The following UTS2 variants were observed in gnomAD, a reference collection of about 807,000 sequenced individuals.
UTS2 encodes the protein urotensin 2, also known as urotensin-2.
Under a neutral mutation model 12.6 loss-of-function variants are expected in UTS2, and 10 were observed. The observed-to-expected ratio is 0.80, with a 90% confidence interval of 0.49 to 1.35. UTS2 has a LOEUF of 1.35. UTS2 is among the 40% of genes most tolerant of loss of function. The probability of loss-of-function intolerance (pLI) is 0.00; values close to 1 mark genes in which losing one functional copy is unlikely to be tolerated. For synonymous variants in UTS2, 52 were observed against 50.0 expected, an observed-to-expected ratio of 1.04 and a Z score of -0.17; for missense variants, 142 against 143.2, an observed-to-expected ratio of 0.99 and a Z score of 0.04.
the UTS2 span, among the ~76,000 whole-genome samples, chr1:7,901,660 C>A: frequency 6.6e-5 from 10 of 151,074 alleles, no homozygotes; most frequent in Non-Finnish European, 1.3e-4. Flanking sequence ...TCATTTAATC[C>A]TCACAAAAAG....
chr1:7,892,836 C>T, the UTS2 span, among the ~76,000 whole-genome samples: 1,385 of 152,186 alleles, frequency 9.1e-3, 21 homozygotes, highest in African/African-American at 0.032. Flanking sequence ...ACCAGGCCCA[C>T]CCAGATAATC....
upstream of UTS2, among the ~76,000 whole-genome samples, chr1:7,856,304 A>T (rs1294045022): frequency 2.0e-5 from 3 of 152,236 alleles, no homozygotes; most frequent in Non-Finnish European, 4.4e-5. Flanking sequence ...AGACAACAAC[A>T]TTAACATACG....
At chr1:7,893,716 C>T in the UTS2 span, among the ~76,000 whole-genome samples, 2 of 152,136 alleles carry the variant, frequency 1.3e-5, no homozygotes, top group Non-Finnish European at 2.9e-5. Flanking sequence ...AGGGCACAGT[C>T]GCAGGGCTGG....
At chr1:7,851,488 G>T (rs975175050) in intron 1 of UTS2, among the ~76,000 whole-genome samples, 3 of 152,166 alleles carry the variant, frequency 2.0e-5, no homozygotes, top group Non-Finnish European at 4.4e-5. Flanking sequence ...TCGACCAGAT[G>T]GCATATAGAA....
the UTS2 span, among the ~76,000 whole-genome samples, chr1:7,864,001 G>A: frequency 7.9e-5 from 12 of 152,228 alleles, no homozygotes; most frequent in African/African-American, 2.9e-4. Context: ...AGGCATCTCA[G>A]GGCAGCAGGA....
At chr1:7,863,112 T>C in the UTS2 span, among the ~76,000 whole-genome samples, 1,625 of 134,190 alleles carry the variant, frequency 0.012, 75 homozygotes, top group African/African-American at 0.048. Flanking sequence ...TGTATTGTAT[T>C]GTATTGTATT....
the UTS2 span, among the ~76,000 whole-genome samples, chr1:7,902,199 C>CGCT: frequency 2.6e-5 from 4 of 152,196 alleles, 1 homozygote; most frequent in South Asian, 4.2e-4. Flanking sequence ...TATCTCTGCC[C>CGCT]CCGGGTGAGG....
chr1:7,872,299 C>CAAAAAAA, the UTS2 span, among the ~76,000 whole-genome samples: 287 of 65,878 alleles, frequency 4.4e-3, 15 homozygotes, highest in African/African-American at 0.016. Flanking sequence ...GACTCTGTCT[C>CAAAAAAA]AAAAAAAAAA....
the UTS2 span, among the ~76,000 whole-genome samples, chr1:7,876,498 T>A: frequency 6.6e-6 from 1 of 152,082 alleles, no homozygotes; most frequent in Non-Finnish European, 1.5e-5. Flanking sequence ...TATGCAACCA[T>A]GAGACCCACT....
the UTS2 span, among the ~76,000 whole-genome samples, chr1:7,885,602 C>G: frequency 1.3e-5 from 2 of 151,786 alleles, no homozygotes; most frequent in African/African-American, 4.8e-5. Context: ...GGGAGGGGAG[C>G]GAGGTGAGGA....
the UTS2 span, among the ~76,000 whole-genome samples, chr1:7,882,685 A>AACAAAG: frequency 6.6e-6 from 1 of 152,380 alleles, no homozygotes; most frequent in East Asian, 1.9e-4. Context: ...ACTAATATCC[A>AACAAAG]GACTATACAT....
chr1:7,847,803 C>A lies in UTS2; in HGVS notation c.338G>T (p.Arg113Leu). The A allele has an allele frequency of 6.2e-7, 1 of 1,613,924 alleles. No individual in the cohort carries two copies. The change falls in exon 4 of 4, where the codon CGT becomes CTT. Residue 113 changes from arginine (R) to leucine (L), a missense_variant. Coordinates refer to ENST00000361696, the MANE Select transcript of UTS2 (RefSeq NM_006786.4). ...LARIWKPYKK[R>L]ETPDCFWKYC... ...TTTCCAGAAGCAATCAGGAGTCTCA[C>A]GTTTCTTGTATGGTTTCCAGATTCT...
At chr1:7,895,380 AT>A in the UTS2 span, among the ~76,000 whole-genome samples, 1 of 152,036 alleles carries the variant, frequency 6.6e-6, no homozygotes, top group African/African-American at 2.4e-5. Flanking sequence ...AAAAAAATAA[AT>A]AAATAAATAA....
chr1:7,906,447 AAG>A, the UTS2 span, among the ~76,000 whole-genome samples: 2 of 33,762 alleles, frequency 5.9e-5, no homozygotes, highest in African/African-American at 8.4e-5. Flanking sequence ...AAGAAAGAAA[AAG>A]AGAAAGAAAG....
chr1:7,895,948 G>A, the UTS2 span, among the ~76,000 whole-genome samples: 1 of 152,174 alleles, frequency 6.6e-6, no homozygotes, highest in East Asian at 1.9e-4. Context: ...TGCTGGATAT[G>A]CTAAACCCTA....
At chr1:7,864,461 C>T in the UTS2 span, among the ~76,000 whole-genome samples, 1 of 152,192 alleles carries the variant, frequency 6.6e-6, no homozygotes, top group Non-Finnish European at 1.5e-5. Context: ...CTGCACCCAC[C>T]AAAGAAGACA....
At chr1:7,870,737 A>G in the UTS2 span, among the ~76,000 whole-genome samples, 2 of 152,272 alleles carry the variant, frequency 1.3e-5, no homozygotes, top group Non-Finnish European at 2.9e-5. Context: ...TTCTAAAAAC[A>G]GAGGATATTA....
chr1:7,856,630 T>C (rs551914718), upstream of UTS2, among the ~76,000 whole-genome samples: 3 of 38,378 alleles, frequency 7.8e-5, no homozygotes, highest in South Asian at 2.0e-3. Flanking sequence ...GCTCGCACAC[T>C]GTCCTCTAAG....
At chr1:7,870,692 T>G in the UTS2 span, among the ~76,000 whole-genome samples, 1 of 152,242 alleles carries the variant, frequency 6.6e-6, no homozygotes. Flanking sequence ...AGTCCTCCAG[T>G]GTAGAGAATA....
Sources: allele counts gnomAD v4.1 joint callset (sites outside exome capture counted in the v4.1 genomes callset), GRCh38; gene constraint gnomAD v4.1.1; transcripts MANE v1.5; gene names NCBI Gene and HGNC (gene_info 2026-07-23, HGNC 2026-07-21).